Variants in SCN9A observed in about 807,000 individuals in gnomAD.
The protein encoded by SCN9A is sodium channel protein type 9 subunit alpha.
SCN9A carries 131 observed loss-of-function variants against 187.0 expected under a neutral mutation model. The observed-to-expected ratio is 0.70, with a 90% CI of 0.61 to 0.81. SCN9A has a LOEUF of 0.81. SCN9A is among the 30% of genes least tolerant of loss of function. SCN9A has a pLI of 0.00. For synonymous variants in SCN9A, 809 were observed against 808.6 expected (o/e 1.00, Z -0.01); for missense variants, 2,252 against 2,396.6 (o/e 0.94, Z 1.26).
At chr2:166,342,895 C>T (rs967478190) in intron 1 of SCN9A, among the ~76,000 whole-genome samples, 10 of 152,166 alleles carry the variant, frequency 6.6e-5, no homozygotes, top group Non-Finnish European at 1.5e-4. Context: ...CATCCACCAC[C>T]AAAGCTTCCC....
At chr2:166,234,357 G>A (rs1695221031) in intron 20 of SCN9A, among the ~76,000 whole-genome samples, 1 of 152,028 alleles carries the variant, frequency 6.6e-6, no homozygotes, top group Non-Finnish European at 1.5e-5. Context: ...TAAGAAAAAT[G>A]TCTGGAATGC....
At chr2:166,276,166 T>A (rs931170521) in intron 16 of SCN9A, among the ~76,000 whole-genome samples, 50 of 149,984 alleles carry the variant, frequency 3.3e-4, no homozygotes, top group Admixed American at 2.0e-3. Flanking sequence ...AGAAAAAAAA[T>A]AAAAAAAAAG....
At chr2:166,211,065 A>G (rs978839770) in intron 24 of SCN9A, among the ~76,000 whole-genome samples, 23 of 30,420 alleles carry the variant, frequency 7.6e-4, no homozygotes, top group Non-Finnish European at 1.1e-3. Context: ...CTATCTCGGA[A>G]AAAAAAGAAA....
intron 1 of SCN9A, among the ~76,000 whole-genome samples, chr2:166,348,033 A>T (rs1037933528): frequency 3.9e-5 from 6 of 152,164 alleles, no homozygotes; most frequent in Non-Finnish European, 8.8e-5. Context: ...GAAGGACCAA[A>T]CCTTTTTCCT....
intron 17 of SCN9A, among the ~76,000 whole-genome samples, chr2:166,262,217 A>T (rs1037103759): frequency 1.3e-5 from 2 of 152,004 alleles, no homozygotes; most frequent in African/African-American, 4.8e-5. Context: ...TTGCATGAAA[A>T]AATAGACACA....
chr2:166,338,664 A>AT (rs1699691029), intron 1 of SCN9A, among the ~76,000 whole-genome samples: 1 of 151,434 alleles, frequency 6.6e-6, no homozygotes, highest in Non-Finnish European at 1.5e-5. Flanking sequence ...AAATTACATC[A>AT]TTTTTTATTG....
chr2:166,332,927 T>TTAAA (rs1699541313), intron 1 of SCN9A, among the ~76,000 whole-genome samples: 3 of 151,482 alleles, frequency 2.0e-5, no homozygotes, highest in Non-Finnish European at 2.9e-5. Flanking sequence ...TCTAAAATAT[T>TTAAA]TTAAAATTAA....
At position 166,286,480 on chromosome 2, in the gene SCN9A, CT is replaced by C; in HGVS notation, c.1457del (p.Lys486ArgfsTer79). The C allele has an allele frequency of 6.2e-7, 1 of 1,613,772 alleles. No homozygotes were observed. The highest frequency in any genetic ancestry group is 2.2e-5 in the East Asian group (1 of 44,862). ...CCTTTTCCTCTCCACTGGAGAGCTTCTTTTGATTCTTTTTCTTTCTTCTGTT... is the reference window on the plus strand; with the variant it reads ...CCTTTTCCTCTCCACTGGAGAGCTTCTTTGATTCTTTTTCTTTCTTCTGTT... ...RRNRRKKKNQKKLSSGEEKGD... is the reference protein window; with the variant it reads ...RRNRRKKKNQXKLSSGEEKGD... On this transcript the variant is annotated frameshift_variant, in exon 11 of 27. Coordinates refer to ENST00000642356, the MANE Select transcript of SCN9A (RefSeq NM_001365536.1). LOFTEE classifies it high-confidence loss of function.
intron 1 of SCN9A, among the ~76,000 whole-genome samples, chr2:166,316,541 A>G (rs2105236719): frequency 6.6e-6 from 1 of 152,276 alleles, no homozygotes; most frequent in East Asian, 1.9e-4. Flanking sequence ...AAAAGTACAA[A>G]AAAATTAGCC....
intron 1 of SCN9A, among the ~76,000 whole-genome samples, chr2:166,360,185 C>G (rs1305933813): frequency 1.6e-5 from 2 of 127,768 alleles, no homozygotes; most frequent in Non-Finnish European, 1.6e-5. Context: ...GGCCATTGCA[C>G]TCCAGCCTGG....
chr2:166,284,389 A>C, intron 12 of SCN9A, 64 bp downstream of exon 12: 3 of 1,539,888 alleles, frequency 1.9e-6, no homozygotes, highest in Non-Finnish European at 2.6e-6. Context: ...GCCCTTCAGC[A>C]GAGAGACTGA....
chr2:166,240,928 T>C (rs762396925), intron 19 of SCN9A, among the ~76,000 whole-genome samples: 4 of 152,136 alleles, frequency 2.6e-5, no homozygotes, highest in Non-Finnish European at 5.9e-5. Context: ...AGCTGTGACA[T>C]CAATCCACTA....
chr2:166,323,396 G>A (rs149490896), intron 1 of SCN9A, among the ~76,000 whole-genome samples: 1 of 152,166 alleles, frequency 6.6e-6, no homozygotes, highest in Non-Finnish European at 1.5e-5. Flanking sequence ...AAATTATTTG[G>A]GGGACTTCCT....
chr2:166,276,225 C>T (rs1396645829), intron 16 of SCN9A, among the ~76,000 whole-genome samples: 2 of 152,052 alleles, frequency 1.3e-5, no homozygotes, highest in Non-Finnish European at 2.9e-5. Context: ...TTGCTATGTC[C>T]ACGCGATGCT....
intron 1 of SCN9A, among the ~76,000 whole-genome samples, chr2:166,370,147 G>A (rs534551405): frequency 6.1e-4 from 91 of 150,376 alleles, no homozygotes; most frequent in African/African-American, 2.1e-3. Flanking sequence ...GGAGCAACTA[G>A]TAAAAGTTGA....
At chr2:166,299,449 G>T (rs554381256) in intron 7 of SCN9A, among the ~76,000 whole-genome samples, 40 of 150,636 alleles carry the variant, frequency 2.7e-4, no homozygotes, top group Non-Finnish European at 3.4e-4. Flanking sequence ...CCTTGATCTT[G>T]CAGCATGATT....
At chr2:166,296,538 C>A (rs1278391391) in intron 7 of SCN9A, among the ~76,000 whole-genome samples, 3 of 152,084 alleles carry the variant, frequency 2.0e-5, no homozygotes, top group Non-Finnish European at 2.9e-5. Flanking sequence ...ACATAAACAT[C>A]CAAAATATTT....
intron 17 of SCN9A, among the ~76,000 whole-genome samples, chr2:166,266,536 C>T: frequency 6.9e-6 from 1 of 144,772 alleles, no homozygotes; most frequent in Admixed American, 6.9e-5. Context: ...GTTACTTGGG[C>T]TATTTAGGGT....
At chr2:166,365,415 T>C (rs1268423774) in intron 1 of SCN9A, among the ~76,000 whole-genome samples, 1 of 152,132 alleles carries the variant, frequency 6.6e-6, no homozygotes, top group South Asian at 2.1e-4. Flanking sequence ...GAGATCCAGT[T>C]AAAAAAGAGC....
Sources: gnomAD v4.1 joint callset for allele counts (sites outside exome capture counted in the v4.1 genomes callset) on GRCh38, gnomAD v4.1.1 for gene constraint, MANE v1.5 for transcripts, NCBI Gene and HGNC (gene_info 2026-07-23, HGNC 2026-07-21) for gene names.